The following ALK variants were observed in gnomAD, a reference collection of about 807,000 sequenced individuals.
ALK encodes ALK tyrosine kinase receptor.
ALK carries 74 observed loss-of-function variants against 163.1 expected under a neutral mutation model. That is an observed-to-expected ratio of 0.45 (90% CI 0.38 to 0.55). The LOEUF is 0.55. Among genes scored for constraint, ALK ranks in the 20% least tolerant of loss-of-function variants. The pLI is 0.00. For missense variants in ALK, 2,063 were observed against 2,105.3 expected (o/e 0.98, Z 0.39); for synonymous variants, 960 against 843.2 (o/e 1.14, Z -2.40).
intron 26 of ALK, among the ~76,000 whole-genome samples, chr2:29,200,218 A>T (rs1669122593): frequency 6.6e-6 from 1 of 152,184 alleles, no homozygotes; most frequent in Non-Finnish European, 1.5e-5. Context: ...GGCAAAACTA[A>T]CTAGGCAAAA....
chr2:29,232,467 C>T lies in ALK; in HGVS notation c.2488-19G>A. On this transcript the variant is annotated intron_variant, in intron 14 of 28. Transcript: ENST00000389048. Reference sequence around the variant, plus strand: ...CCTTCATCTGACCAGGGGAGACATTCAGACATTGAGAAACCGAGCTGTGCT... The same window carrying T: ...CCTTCATCTGACCAGGGGAGACATTTAGACATTGAGAAACCGAGCTGTGCT... 1.2e-6 allele frequency: 2 copies of T among 1,614,172 alleles called. No individual in the cohort carries two copies. The highest frequency in any genetic ancestry group is 1.7e-6 in the Non-Finnish European group (2 of 1,180,024).
intron 3 of ALK, among the ~76,000 whole-genome samples, chr2:29,538,297 G>A (rs1040293678): frequency 5.9e-5 from 9 of 152,130 alleles, no homozygotes; most frequent in African/African-American, 2.2e-4. Context: ...GGAGGTGATT[G>A]GATCATGGGG....
chr2:29,618,560 A>G (rs1573503243), intron 3 of ALK, among the ~76,000 whole-genome samples: 1 of 151,306 alleles, frequency 6.6e-6, no homozygotes, highest in African/African-American at 2.4e-5. Flanking sequence ...ACATGTCCAC[A>G]CCCCCATTTT....
At chr2:29,456,734 A>G (rs1670965406) in intron 4 of ALK, among the ~76,000 whole-genome samples, 1 of 152,230 alleles carries the variant, frequency 6.6e-6, no homozygotes, top group Admixed American at 6.5e-5. Context: ...TTTTACCATA[A>G]TAAAAAATGG....
intron 3 of ALK, among the ~76,000 whole-genome samples, chr2:29,555,294 G>T (rs561641141): frequency 6.6e-6 from 1 of 152,020 alleles, no homozygotes; most frequent in Non-Finnish European, 1.5e-5. Context: ...CTGAGGCTGA[G>T]GGTCAGTGGC....
intron 1 of ALK, among the ~76,000 whole-genome samples, chr2:29,904,335 T>G (rs1382853907): frequency 6.6e-6 from 1 of 152,196 alleles, no homozygotes; most frequent in African/African-American, 2.4e-5. Context: ...CTTTCACTCT[T>G]AGAGCAAAAC....
chr2:29,422,779 T>C (rs1670047627), intron 4 of ALK, among the ~76,000 whole-genome samples: 3 of 152,232 alleles, frequency 2.0e-5, no homozygotes, highest in Admixed American at 6.5e-5. Context: ...TTATTGTTCC[T>C]TAAGGGGTCC....
At position 29,787,485 on chromosome 2, in the gene ALK, T is replaced by C. The variant is rs559941701; in HGVS notation, c.668-69788A>G. On this transcript the variant is annotated intron_variant, in intron 1 of 28. Transcript: ENST00000389048. ...GGACTCATACTACACACATCATGTA[T>C]GTGAAGATAAACAATGCACAGGCTT... Among the ~76,000 whole-genome samples the C allele has an allele frequency of 2.0e-5, 3 of 152,350 alleles. No homozygotes were observed. In the South Asian group the frequency reaches 6.2e-4, roughly 32 times the overall value.
chr2:29,820,274 A>G (rs1383559647), intron 1 of ALK, among the ~76,000 whole-genome samples: 1 of 152,176 alleles, frequency 6.6e-6, no homozygotes, highest in African/African-American at 2.4e-5. Context: ...AGAAGTCCAC[A>G]CAGGGAGGAA....
At chr2:29,369,200 G>C (rs1031463838) in intron 5 of ALK, among the ~76,000 whole-genome samples, 32 of 152,244 alleles carry the variant, frequency 2.1e-4, no homozygotes, top group African/African-American at 7.7e-4. Context: ...CCTTGGATAA[G>C]ACCTCAATCT....
intron 4 of ALK, among the ~76,000 whole-genome samples, chr2:29,404,307 CAAAAAA>C (rs11297118): frequency 5.8e-4 from 79 of 135,392 alleles, no homozygotes; most frequent in African/African-American, 1.5e-3. Flanking sequence ...GACTCCGTCT[CAAAAAA>C]AAAAAAAAAA....
chr2:29,634,182 T>C (rs1249479412), intron 3 of ALK, among the ~76,000 whole-genome samples: 1 of 151,826 alleles, frequency 6.6e-6, no homozygotes, highest in Non-Finnish European at 1.5e-5. Flanking sequence ...CACTGCACCC[T>C]CTGCCTCCCG....
intron 9 of ALK, among the ~76,000 whole-genome samples, chr2:29,278,989 G>A (rs1422170808): frequency 6.6e-6 from 1 of 152,106 alleles, no homozygotes; most frequent in African/African-American, 2.4e-5. Flanking sequence ...TGGGGGGGGG[G>A]ACAGAATCGC....
intron 5 of ALK, among the ~76,000 whole-genome samples, chr2:29,369,308 T>TGTG (rs1668585982): frequency 5.5e-5 from 8 of 145,374 alleles, no homozygotes; most frequent in Admixed American, 4.1e-4. Flanking sequence ...ACGTGCATAT[T>TGTG]TGTGTGTGTG....
intron 4 of ALK, among the ~76,000 whole-genome samples, chr2:29,448,487 T>C (rs1454116432): frequency 2.0e-5 from 3 of 152,182 alleles, no homozygotes; most frequent in Admixed American, 6.5e-5. Context: ...AGCCTGGCCA[T>C]GCAACATTTT....
chr2:29,390,400 T>C (rs766827251), intron 4 of ALK, among the ~76,000 whole-genome samples: 5 of 152,226 alleles, frequency 3.3e-5, no homozygotes, highest in Non-Finnish European at 5.9e-5. Flanking sequence ...GTGGTGATGA[T>C]TATTATCAAG....
intron 4 of ALK, among the ~76,000 whole-genome samples, chr2:29,441,952 C>T (rs1392168381): frequency 6.6e-6 from 1 of 152,178 alleles, no homozygotes; most frequent in African/African-American, 2.4e-5. Flanking sequence ...TGTAGAGGCA[C>T]AAATCATTTC....
At position 29,618,958 on chromosome 2, in the gene ALK, G is replaced by A. The variant is rs184744373; in HGVS notation, c.952+75892C>T. On this transcript the variant is annotated intron_variant, in intron 3 of 28. Coordinates refer to ENST00000389048, the MANE Select transcript of ALK (RefSeq NM_004304.5). ...TGCGCCACTGCACTACAGCCTGGGC[G>A]ACAAAGCGAGACTGCGTCTCAAAAA... Among the ~76,000 whole-genome samples, 17 of 151,048 alleles carry A rather than the reference G, an allele frequency of 1.1e-4. No individual in the cohort carries two copies. The East Asian group carries it at 1.6e-3, about 14-fold the overall frequency.
At chr2:29,865,542 C>T (rs1273320069) in intron 1 of ALK, among the ~76,000 whole-genome samples, 1 of 152,220 alleles carries the variant, frequency 6.6e-6, no homozygotes, top group Non-Finnish European at 1.5e-5. Flanking sequence ...GATACACATT[C>T]TCCTTCTCTC....
Sources: gnomAD v4.1 joint callset for allele counts (sites outside exome capture counted in the v4.1 genomes callset) on GRCh38, gnomAD v4.1.1 for gene constraint, MANE v1.5 for transcripts, NCBI Gene and HGNC (gene_info 2026-07-23, HGNC 2026-07-21) for gene names.